The following CDK19 variants were observed in gnomAD, a reference collection of about 807,000 sequenced individuals.
CDK19 encodes cyclin-dependent kinase 19.
A neutral mutation model predicts 68.3 loss-of-function variants in CDK19; 20 were observed. The ratio of observed to expected loss-of-function variants is 0.29; its 90% CI spans 0.21 to 0.43. The LOEUF (loss-of-function observed/expected upper bound fraction) is 0.43. Among genes scored for constraint, CDK19 ranks in the 20% least tolerant of loss-of-function variants. The pLI, the probability that CDK19 is intolerant of heterozygous loss-of-function variation, is 1.00. For synonymous variants in CDK19, 221 were observed against 222.8 expected (o/e 0.99, Z 0.07); for missense variants, 339 against 623.5 (o/e 0.54, Z 4.86).
chr6:110,781,296 A>G (rs1377397908), intron 1 of CDK19, among the ~76,000 whole-genome samples: 1 of 152,086 alleles, frequency 6.6e-6, no homozygotes, highest in Non-Finnish European at 1.5e-5. Flanking sequence ...GAGAGGAGGG[A>G]TATCCCAGAT....
At chr6:110,772,502 T>G (rs1343111439) in intron 1 of CDK19, among the ~76,000 whole-genome samples, 6 of 152,128 alleles carry the variant, frequency 3.9e-5, no homozygotes. Context: ...TTACTTGGTA[T>G]CTAAACAACT....
chr6:110,616,431 G>C (rs1778315168), intron 12 of CDK19, among the ~76,000 whole-genome samples: 1 of 152,164 alleles, frequency 6.6e-6, no homozygotes, highest in Non-Finnish European at 1.5e-5. Context: ...ACTTTGGGAG[G>C]CTGAGCTGGG....
chr6:110,627,779 G>A (rs369214294), intron 6 of CDK19, among the ~76,000 whole-genome samples: 7 of 152,134 alleles, frequency 4.6e-5, no homozygotes, highest in African/African-American at 1.4e-4. Flanking sequence ...AATACCAGGC[G>A]TAATACACAG....
intron 2 of CDK19, among the ~76,000 whole-genome samples, chr6:110,719,530 T>A (rs898338433): frequency 1.3e-5 from 2 of 151,752 alleles, no homozygotes; most frequent in Non-Finnish European, 2.9e-5. Flanking sequence ...ACTCAAAAAA[T>A]AAATAAATAA....
chr6:110,707,951 G>A (rs1275283878), intron 2 of CDK19, among the ~76,000 whole-genome samples: 1 of 152,112 alleles, frequency 6.6e-6, no homozygotes, highest in Non-Finnish European at 1.5e-5. Context: ...CAGCCTGGGC[G>A]ACACGGTGAG....
intron 1 of CDK19, among the ~76,000 whole-genome samples, chr6:110,748,461 T>C (rs899529227): frequency 1.3e-5 from 2 of 152,166 alleles, no homozygotes; most frequent in Non-Finnish European, 2.9e-5. Flanking sequence ...ACTAAAAAAT[T>C]TGCAATTTTA....
chr6:110,769,575 A>AT (rs1228080250), intron 1 of CDK19, among the ~76,000 whole-genome samples: 28 of 148,318 alleles, frequency 1.9e-4, no homozygotes, highest in African/African-American at 3.6e-4. Flanking sequence ...AAAAAAAAAA[A>AT]AAAATAATAA....
intron 4 of CDK19, among the ~76,000 whole-genome samples, chr6:110,645,446 T>A (rs1445193335): frequency 6.6e-6 from 1 of 152,104 alleles, no homozygotes; most frequent in Non-Finnish European, 1.5e-5. Flanking sequence ...CTTAAATATG[T>A]TAGGAAGAGA....
intron 2 of CDK19, among the ~76,000 whole-genome samples, chr6:110,694,072 A>G (rs576247997): frequency 7.0e-6 from 1 of 143,018 alleles, no homozygotes; most frequent in African/African-American, 2.6e-5. Context: ...CAATAACACA[A>G]TGAAAAAAAA....
intron 4 of CDK19, among the ~76,000 whole-genome samples, chr6:110,642,447 A>G (rs1327843896): frequency 2.6e-5 from 4 of 152,246 alleles, no homozygotes; most frequent in Non-Finnish European, 5.9e-5. Context: ...CAGAAGCAGC[A>G]GAAAACAAAA....
intron 1 of CDK19, among the ~76,000 whole-genome samples, chr6:110,748,739 G>T (rs1421520626): frequency 2.0e-5 from 3 of 152,224 alleles, no homozygotes; most frequent in Non-Finnish European, 4.4e-5. Context: ...TCAATGATTA[G>T]GCACATGAGA....
At chr6:110,742,465 C>T (rs1205242460) in intron 2 of CDK19, among the ~76,000 whole-genome samples, 1 of 152,114 alleles carries the variant, frequency 6.6e-6, no homozygotes, top group African/African-American at 2.4e-5. Flanking sequence ...CAGTGATTTT[C>T]AGGGAACAAG....
chr6:110,779,759 TA>T (rs1204853325), intron 1 of CDK19, among the ~76,000 whole-genome samples: 1 of 151,844 alleles, frequency 6.6e-6, no homozygotes, highest in African/African-American at 2.4e-5. Flanking sequence ...CTACAATAAA[TA>T]AATAAATTTT....
intron 1 of CDK19, among the ~76,000 whole-genome samples, chr6:110,779,123 A>G (rs1192750765): frequency 6.6e-6 from 1 of 152,104 alleles, no homozygotes; most frequent in East Asian, 1.9e-4. Context: ...CAGAATCGTT[A>G]AATTCCTTAT....
chr6:110,732,019 T>A (rs75487155), intron 2 of CDK19, among the ~76,000 whole-genome samples: 2,062 of 152,236 alleles, frequency 0.014, 58 homozygotes, highest in African/African-American at 0.047. Context: ...CAAAACTAAG[T>A]AATCAGATCT....
intron 2 of CDK19, among the ~76,000 whole-genome samples, chr6:110,735,219 T>C (rs965951146): frequency 2.6e-5 from 4 of 152,066 alleles, no homozygotes; most frequent in Admixed American, 2.6e-4. Flanking sequence ...AGTGCTGGGT[T>C]TACAGGCATC....
At chr6:110,764,309 A>C (rs75853326) in intron 1 of CDK19, among the ~76,000 whole-genome samples, 7,178 of 152,290 alleles carry the variant, frequency 0.047, 221 homozygotes, top group South Asian at 0.084. Flanking sequence ...GCAATATTGA[A>C]GGAGAAGAAC....
intron 1 of CDK19, among the ~76,000 whole-genome samples, chr6:110,786,541 A>G (rs1431610928): frequency 1.3e-5 from 2 of 152,116 alleles, no homozygotes; most frequent in Non-Finnish European, 2.9e-5. Context: ...GACCTTCATG[A>G]TGTTCTCCCT....
chr6:110,639,823 T>C (rs1441839192), intron 4 of CDK19, among the ~76,000 whole-genome samples: 1 of 152,088 alleles, frequency 6.6e-6, no homozygotes, highest in Non-Finnish European at 1.5e-5. Flanking sequence ...TAGACGGATA[T>C]GAAAATGAAC....
Sources: gnomAD v4.1 joint callset for allele counts (sites outside exome capture counted in the v4.1 genomes callset) on GRCh38, gnomAD v4.1.1 for gene constraint, MANE v1.5 for transcripts, NCBI Gene and HGNC (gene_info 2026-07-23, HGNC 2026-07-21) for gene names.